OPCML: variants seen among roughly 807,000 people sequenced by gnomAD.
The protein encoded by OPCML is opioid binding protein/cell adhesion molecule like, also known as opioid-binding protein/cell adhesion molecule.
In OPCML, 13 loss-of-function variants were observed where a neutral mutation model predicts 37.8. The ratio of observed to expected loss-of-function variants is 0.34; its 90% CI spans 0.22 to 0.55. The LOEUF (loss-of-function observed/expected upper bound fraction) is 0.55. OPCML is among the 20% of genes least tolerant of loss of function. OPCML has a pLI of 0.91. For missense variants in OPCML, 341 were observed against 435.6 expected (o/e 0.78, Z 1.93); for synonymous variants, 176 against 168.8 (o/e 1.04, Z -0.33).
chr11:132,600,829 A>T (rs1937822354), intron 3 of OPCML, among the ~76,000 whole-genome samples: 1 of 150,068 alleles, frequency 6.7e-6, no homozygotes, highest in Admixed American at 6.7e-5. Flanking sequence ...CTGTTGATTC[A>T]AATAGTTAAC....
chr11:132,872,198 A>G (rs1942824893), intron 2 of OPCML, among the ~76,000 whole-genome samples: 1 of 152,228 alleles, frequency 6.6e-6, no homozygotes, highest in Admixed American at 6.5e-5. Flanking sequence ...AGAAGAGCAA[A>G]AGGAAAAATT....
intron 3 of OPCML, among the ~76,000 whole-genome samples, chr11:132,581,104 G>A (rs969531475): frequency 5.9e-5 from 9 of 152,176 alleles, no homozygotes; most frequent in Admixed American, 2.6e-4. Context: ...AATTAAAGTA[G>A]CTAGAGGCAA....
intron 1 of OPCML, among the ~76,000 whole-genome samples, chr11:132,965,070 A>G (rs1946183447): frequency 6.6e-6 from 1 of 152,308 alleles, no homozygotes; most frequent in South Asian, 2.1e-4. Context: ...ACTTTTCTGT[A>G]TCTCTCACTA....
chr11:132,442,524 A>G (rs1399452372), intron 4 of OPCML, among the ~76,000 whole-genome samples: 1 of 152,202 alleles, frequency 6.6e-6, no homozygotes, highest in East Asian at 1.9e-4. Context: ...TGGATTATAC[A>G]AAGTCCTGAC....
chr11:133,160,952 G>T (rs981712523), intron 1 of OPCML, among the ~76,000 whole-genome samples: 1 of 152,226 alleles, frequency 6.6e-6, no homozygotes, highest in Non-Finnish European at 1.5e-5. Flanking sequence ...CACGGTGTGA[G>T]GCCTGCCCTG....
chr11:133,481,152 G>C (rs769764513), intron 1 of OPCML, among the ~76,000 whole-genome samples: 28 of 152,138 alleles, frequency 1.8e-4, no homozygotes, highest in Admixed American at 4.6e-4. Context: ...ACAAATTTGG[G>C]ACCAGGATTT....
At chr11:132,569,327 A>T (rs572711924) in intron 3 of OPCML, among the ~76,000 whole-genome samples, 2 of 152,232 alleles carry the variant, frequency 1.3e-5, no homozygotes, top group Non-Finnish European at 2.9e-5. Flanking sequence ...CAACAAGCCA[A>T]CGTGAAAGGC....
At chr11:132,541,803 T>A (rs1591527486) in intron 3 of OPCML, among the ~76,000 whole-genome samples, 1 of 152,138 alleles carries the variant, frequency 6.6e-6, no homozygotes, top group Non-Finnish European at 1.5e-5. Context: ...CTTGAGGTGA[T>A]CCAATGTGCC....
chr11:133,132,078 C>T (rs1949613039), intron 1 of OPCML, among the ~76,000 whole-genome samples: 1 of 152,092 alleles, frequency 6.6e-6, no homozygotes, highest in African/African-American at 2.4e-5. Flanking sequence ...TTTTGAAAGA[C>T]ATTGTATAGA....
rs181702052 is a variant in OPCML, at chr11:133,125,620, G to C, written c.62-182610C>G. On this transcript the variant is annotated intron_variant, in intron 1 of 7. Coordinates refer to ENST00000524381, the MANE Select transcript of OPCML (RefSeq NM_001012393.5). The stretch of plus-strand genomic sequence containing the variant: ...AGTGTGTATATATACACTATATGTA[G>C]TATCTAGTATATAGTATATATACAT... Among the ~76,000 whole-genome samples, 549 of 143,542 alleles carry C rather than the reference G, an allele frequency of 3.8e-3. 3 individuals carry two copies. The highest frequency in any genetic ancestry group is 4.7e-3 in the Non-Finnish European group (314 of 66,358). The allele number at this position is 143,542 out of a possible 152,430, so 94.2% of individuals were successfully genotyped here.
chr11:133,514,362 C>A (rs1295236780), intron 1 of OPCML, among the ~76,000 whole-genome samples: 1 of 152,192 alleles, frequency 6.6e-6, no homozygotes, highest in Non-Finnish European at 1.5e-5. Flanking sequence ...GCTCCTAAGT[C>A]TCTCCCAAAA....
rs1201430689 is a variant in OPCML, at chr11:132,949,829, A to AG, written c.62-6820dup. On this transcript the variant is annotated intron_variant, in intron 1 of 7. Transcript: ENST00000524381. ...ACGGGTGTGTAAGCAGTGTTGAAGG[A>AG]GGGGGAAAAAGACCATAAAAAGTAA... Among the ~76,000 whole-genome samples, 3 of 152,102 alleles carry AG rather than the reference A, an allele frequency of 2.0e-5. No individual in the cohort carries two copies. The South Asian group carries it at 6.2e-4, about 32-fold the overall frequency.
intron 1 of OPCML, among the ~76,000 whole-genome samples, chr11:133,369,997 G>A (rs546782108): frequency 4.5e-4 from 69 of 152,192 alleles, no homozygotes; most frequent in Middle Eastern, 3.4e-3. Flanking sequence ...TACCTTTTAC[G>A]CATAGCCTGA....
chr11:133,444,685 C>T (rs1946434915), intron 1 of OPCML, among the ~76,000 whole-genome samples: 1 of 152,202 alleles, frequency 6.6e-6, no homozygotes, highest in Admixed American at 6.5e-5. Context: ...CAAACAATTG[C>T]ATCCCTAGAG....
At chr11:132,878,758 T>C (rs995873760) in intron 2 of OPCML, among the ~76,000 whole-genome samples, 5 of 152,170 alleles carry the variant, frequency 3.3e-5, no homozygotes, top group African/African-American at 1.2e-4. Flanking sequence ...ATATCTCCTA[T>C]TGGTTTTATT....
chr11:132,605,195 G>A (rs920358370), intron 3 of OPCML, among the ~76,000 whole-genome samples: 1 of 152,136 alleles, frequency 6.6e-6, no homozygotes, highest in African/African-American at 2.4e-5. Flanking sequence ...TAGAGATAAT[G>A]CATGCAAATG....
intron 1 of OPCML, among the ~76,000 whole-genome samples, chr11:133,185,418 TCA>T (rs141802376): frequency 0.022 from 3,324 of 152,320 alleles, 35 homozygotes; most frequent in African/African-American, 0.032. Flanking sequence ...CAGCAGGGCC[TCA>T]CTGAGAGCCG....
At chr11:132,870,490 T>C (rs11824083) in intron 2 of OPCML, among the ~76,000 whole-genome samples, 29,122 of 152,002 alleles carry the variant, frequency 0.19, 3,066 homozygotes, top group African/African-American at 0.26. Flanking sequence ...AAGTAGGCTC[T>C]GGTCAAATTA....
intron 2 of OPCML, among the ~76,000 whole-genome samples, chr11:132,714,727 C>A (rs115752759): frequency 0.035 from 5,315 of 152,114 alleles, 321 homozygotes; most frequent in African/African-American, 0.12. Context: ...AGCACCCCTG[C>A]GGCCTGAAAT....
Sources: gnomAD v4.1 joint callset for allele counts (sites outside exome capture counted in the v4.1 genomes callset) on GRCh38, gnomAD v4.1.1 for gene constraint, MANE v1.5 for transcripts, NCBI Gene and HGNC (gene_info 2026-07-23, HGNC 2026-07-21) for gene names.